Variants in AKR1C3 observed in about 807,000 individuals in gnomAD.
AKR1C3 encodes 3-alpha hydroxysteroid dehydrogenase, type II.
AKR1C3 carries 48 observed loss-of-function variants against 43.6 expected under a neutral mutation model. That is an observed-to-expected ratio of 1.10 (90% CI 0.87 to 1.40). The LOEUF (loss-of-function observed/expected upper bound fraction) is 1.40. Ranked by LOEUF, AKR1C3 falls within the 40% of genes most tolerant of loss-of-function variation. The pLI is 0.00. For missense variants in AKR1C3, 482 were observed against 391.2 expected, an observed-to-expected ratio of 1.23 and a Z score of -1.96; for synonymous variants, 162 against 139.6, an observed-to-expected ratio of 1.16 and a Z score of -1.13.
chr10:5,096,707 A>G, intron 2 of AKR1C3, 130 bp downstream of exon 2: 3 of 1,397,702 alleles, frequency 2.1e-6, no homozygotes, highest in Non-Finnish European at 2.8e-6. Flanking sequence ...ACACATACTC[A>G]CATACTAAAA....
chr10:5,080,820 G>A (rs570657376), intron 1 of AKR1C3: 9 of 152,340 alleles, frequency 5.9e-5, no homozygotes, highest in Admixed American at 3.9e-4. Context: ...TGCTCACTGT[G>A]TAGTAACAAA....
At chr10:5,094,706 A>G (rs554113431) in intron 1 of AKR1C3, among the ~76,000 whole-genome samples, 178 bp downstream of exon 1, 1 of 152,162 alleles carries the variant, frequency 6.6e-6, no homozygotes, top group Non-Finnish European at 1.5e-5. Flanking sequence ...GTCCATTCCT[A>G]TGGTCACGTA....
intron 6 of AKR1C3, 45 bp downstream of exon 6, chr10:5,102,255 A>C: frequency 6.3e-7 from 1 of 1,593,930 alleles, no homozygotes; most frequent in East Asian, 2.2e-5. Context: ...CATTTTGCAG[A>C]AAATTTTTTA....
chr10:5,066,883 T>C (rs1838515714), intron 1 of AKR1C3, among the ~76,000 whole-genome samples: 1 of 152,160 alleles, frequency 6.6e-6, no homozygotes, highest in African/African-American at 2.4e-5. Flanking sequence ...AAATTTGCTA[T>C]AGAGCATATA....
chr10:5,059,373 G>A (rs908893283), intron 1 of AKR1C3, among the ~76,000 whole-genome samples: 1 of 152,194 alleles, frequency 6.6e-6, no homozygotes, highest in African/African-American at 2.4e-5. Flanking sequence ...GGTCAGGATA[G>A]ATAGGATAGA....
At position 5,099,325 on chromosome 10, in the gene AKR1C3, A is replaced by G. The variant is rs782369766; in HGVS notation, c.448-2A>G. ...AATTCCTCACAACCCCTTTCTCCACAGGCCATGGAGAAGTGTAAGGATGCA... is the reference window on the plus strand; with the variant it reads ...AATTCCTCACAACCCCTTTCTCCACGGGCCATGGAGAAGTGTAAGGATGCA... On this transcript the variant is annotated splice_acceptor_variant, in intron 4 of 8. Coordinates refer to ENST00000380554, the MANE Select transcript of AKR1C3 (RefSeq NM_003739.6). LOFTEE classifies it high-confidence loss of function. The G allele has an allele frequency of 6.2e-7, 1 of 1,614,100 alleles. No homozygotes were observed. Among genetic ancestry groups the G allele is most frequent in the South Asian group, 1.1e-5 (1 of 91,076 alleles).
At chr10:5,058,069 C>A (rs1554779817) in intron 1 of AKR1C3, among the ~76,000 whole-genome samples, 1 of 152,086 alleles carries the variant, frequency 6.6e-6, no homozygotes, top group Non-Finnish European at 1.5e-5. Context: ...GGGACATAAC[C>A]AATAGCCCGG....
intron 1 of AKR1C3, among the ~76,000 whole-genome samples, chr10:5,068,723 G>A (rs1554781044): frequency 1.3e-5 from 2 of 152,166 alleles, no homozygotes; most frequent in African/African-American, 4.8e-5. Flanking sequence ...GACTCAGGGG[G>A]ATCTTCAGGC....
intron 3 of AKR1C3, chr10:5,097,865 A>G (rs1239590105): frequency 3.5e-6 from 4 of 1,142,306 alleles, no homozygotes; most frequent in Non-Finnish European, 4.3e-6. Flanking sequence ...TCCCAGACAC[A>G]GAGTTTCATG....
rs1330175076 is a variant in AKR1C3 at position 5,086,428 on chromosome 10, G to A, written c.85-9982G>A. ...TCCTGAGTTCTAGTTTGATTGCACT[G>A]TGATCTGAGAGACAGTTTGTTATAA... On this transcript the variant is annotated intron_variant, in intron 1 of 8. Coordinates refer to the AKR1C3 transcript ENST00000439082. Among the ~76,000 whole-genome samples, 8 of 151,576 alleles carry A rather than the reference G, an allele frequency of 5.3e-5. No homozygotes were observed. The South Asian group carries it at 1.0e-3, about 20-fold the overall frequency.
chr10:5,074,313 A>G lies in AKR1C3; in HGVS notation c.85-22097A>G, dbSNP rs533191471. On this transcript the variant is annotated intron_variant, in intron 1 of 8. Coordinates refer to the AKR1C3 transcript ENST00000439082. ...AAATAAACTCTCTATATTAACTGAGACCTCTCTCAGATTTTGGGGGTCCAT... is the reference window on the plus strand; with the variant it reads ...AAATAAACTCTCTATATTAACTGAGGCCTCTCTCAGATTTTGGGGGTCCAT... Among the ~76,000 whole-genome samples, 87 of 152,134 alleles carry G rather than the reference A, an allele frequency of 5.7e-4. 1 individual carries two copies. The South Asian group carries it at 0.017, about 31-fold the overall frequency.
At chr10:5,097,789 AAATTAC>A in intron 3 of AKR1C3, 1 of 1,257,806 alleles carries the variant, frequency 8.0e-7, no homozygotes, top group South Asian at 1.6e-5. Flanking sequence ...CAAAAACTTG[AAATTAC>A]AATAGTCTCT....
chr10:5,098,446 C>T (rs1839266845), intron 3 of AKR1C3, among the ~76,000 whole-genome samples: 1 of 152,096 alleles, frequency 6.6e-6, no homozygotes, highest in African/African-American at 2.4e-5. Flanking sequence ...CTACCGTGTA[C>T]AAGAGTACAA....
rs2245191 is a variant in AKR1C3 at position 5,097,623 on chromosome 10, C to T, written c.369+73C>T. 5 of 1,605,820 alleles carry T rather than the reference C, an allele frequency of 3.1e-6. No individual in the cohort carries two copies. In the South Asian group the frequency reaches 5.5e-5, roughly 18 times the overall value. ...AACATTGTTTATCTGGATAGTTGAA[C>T]AGAGCTTTTTATTAGGAGGATGTAG... On this transcript the variant is annotated intron_variant, in intron 3 of 8. Coordinates refer to ENST00000380554, the MANE Select transcript of AKR1C3 (RefSeq NM_003739.6).
chr10:5,085,067 A>G (rs1838932870), intron 1 of AKR1C3, among the ~76,000 whole-genome samples: 2 of 152,010 alleles, frequency 1.3e-5, no homozygotes. Flanking sequence ...AATACCCTTT[A>G]TTTCCTTCTC....
At chr10:5,064,517 C>T (rs1464672615) in intron 1 of AKR1C3, among the ~76,000 whole-genome samples, 1 of 152,078 alleles carries the variant, frequency 6.6e-6, no homozygotes, top group Non-Finnish European at 1.5e-5. Context: ...GCAAGAAAAA[C>T]AGAAAAGACA....
In AKR1C3 at chr10:5,064,089, C is replaced by T. The variant is rs369638295; in HGVS notation, c.84+15194C>T. Among the ~76,000 whole-genome samples the T allele has an allele frequency of 1.4e-3, 211 of 152,298 alleles. 1 individual carries two copies. The highest frequency in any genetic ancestry group is 3.5e-3 in the South Asian group (17 of 4,826). On this transcript the variant is annotated intron_variant, in intron 1 of 8. Coordinates refer to the AKR1C3 transcript ENST00000439082. ...AGCTTCTCATTTGGTAAAATTATATCGTGAGATTGCAACCATTCAGTAATA... is the reference window on the plus strand; with the variant it reads ...AGCTTCTCATTTGGTAAAATTATATTGTGAGATTGCAACCATTCAGTAATA...
At chr10:5,063,495 C>A (rs188210447) in intron 1 of AKR1C3, among the ~76,000 whole-genome samples, 1 of 151,978 alleles carries the variant, frequency 6.6e-6, no homozygotes, top group Non-Finnish European at 1.5e-5. Context: ...GAGTGGGAAA[C>A]ATTGAAAATG....
chr10:5,107,598 A>T lies in AKR1C3; in HGVS notation c.*95A>T. ...GCCGGTGACTGGACATATCACCTCT[A>T]CTTAAATCCGTCCTGTTTAGCGACT... On this transcript the variant is annotated 3_prime_UTR_variant, in exon 9 of 9. Transcript: ENST00000380554. The T allele has an allele frequency of 1.0e-6, 1 of 982,940 alleles. No homozygotes were observed. Among genetic ancestry groups the T allele is most frequent in the East Asian group, 2.5e-5 (1 of 39,922 alleles). The allele number at this position is 982,940 out of a possible 1,614,324, so 60.9% of individuals were successfully genotyped here.
Sources: allele counts gnomAD v4.1 joint callset (sites outside exome capture counted in the v4.1 genomes callset), GRCh38; gene constraint gnomAD v4.1.1; transcripts MANE v1.5; gene names NCBI Gene and HGNC (gene_info 2026-07-23, HGNC 2026-07-21).